KIAA0825: variants seen among roughly 807,000 people sequenced by gnomAD.
KIAA0825 encodes the protein KIAA0825, also known as uncharacterized protein KIAA0825.
In KIAA0825, 119 loss-of-function variants were observed where a neutral mutation model predicts 147.6. The ratio of observed to expected loss-of-function variants is 0.81; its 90% CI spans 0.69 to 0.94. KIAA0825 has a LOEUF of 0.94. Ranked by LOEUF, KIAA0825 falls within the 40% of genes least tolerant of loss-of-function variation. KIAA0825 has a pLI of 0.00. For synonymous variants in KIAA0825, 470 were observed against 518.1 expected (o/e 0.91, Z 1.26); for missense variants, 1,381 against 1,472.7 (o/e 0.94, Z 1.02).
At chr5:94,220,815 A>G (rs985629327) in intron 20 of KIAA0825, among the ~76,000 whole-genome samples, 8 of 152,196 alleles carry the variant, frequency 5.3e-5, no homozygotes, top group Admixed American at 2.0e-4. Flanking sequence ...TTCCATGTAC[A>G]TGGTGAGCCA....
chr5:94,566,303 T>A (rs182515943), intron 2 of KIAA0825, among the ~76,000 whole-genome samples: 1 of 152,314 alleles, frequency 6.6e-6, no homozygotes, highest in Admixed American at 6.5e-5. Context: ...TTACATAAAA[T>A]GTCCATATAA....
At position 94,573,380 on chromosome 5, in the gene KIAA0825, C is replaced by T. The variant is rs529220083; in HGVS notation, c.-2+9053G>A. Among the ~76,000 whole-genome samples the T allele has an allele frequency of 1.3e-4, 19 of 150,324 alleles. 1 individual carries two copies. The South Asian group carries it at 2.1e-3, about 17-fold the overall frequency. On this transcript the variant is annotated intron_variant, in intron 2 of 20. Transcript: ENST00000682413. Reference sequence around the variant, plus strand: ...TCACCTCCCAGGTTCAAGGAATTCTCCTGTTTCAGCCTCCCTAGTAGCTGG... The same window carrying T: ...TCACCTCCCAGGTTCAAGGAATTCTTCTGTTTCAGCCTCCCTAGTAGCTGG...
At chr5:94,577,785 T>G (rs1781351787) in intron 2 of KIAA0825, among the ~76,000 whole-genome samples, 1 of 152,222 alleles carries the variant, frequency 6.6e-6, no homozygotes, top group African/African-American at 2.4e-5. Context: ...TGGAGACCAT[T>G]CAACCTTTAA....
At chr5:94,283,185 GTAA>G (rs1215721477) in intron 20 of KIAA0825, among the ~76,000 whole-genome samples, 1 of 152,056 alleles carries the variant, frequency 6.6e-6, no homozygotes, top group East Asian at 1.9e-4. Flanking sequence ...TTTTGGATGA[GTAA>G]TAATAATACT....
chr5:94,395,256 G>A (rs994591572), intron 17 of KIAA0825, among the ~76,000 whole-genome samples: 87 of 152,112 alleles, frequency 5.7e-4, no homozygotes, highest in African/African-American at 2.0e-3. Flanking sequence ...GTACTAGTAA[G>A]AGTAACCATA....
At chr5:94,442,713 G>A (rs1358408359) in intron 13 of KIAA0825, among the ~76,000 whole-genome samples, 1 of 152,074 alleles carries the variant, frequency 6.6e-6, no homozygotes, top group African/African-American at 2.4e-5. Context: ...AAATTGACTT[G>A]GGTTTTGAAC....
At chr5:94,156,029 A>G (rs1252873629) in intron 20 of KIAA0825, among the ~76,000 whole-genome samples, 1 of 152,194 alleles carries the variant, frequency 6.6e-6, no homozygotes, top group Non-Finnish European at 1.5e-5. Flanking sequence ...CAAGCAGGAA[A>G]ATAAATAATG....
chr5:94,593,000 T>A, intron 1 of KIAA0825: 1 of 617,544 alleles, frequency 1.6e-6, no homozygotes. Flanking sequence ...CTTTGGAAGC[T>A]TCAAAAGCAG....
At chr5:94,427,552 A>C (rs1755051703) in intron 14 of KIAA0825, among the ~76,000 whole-genome samples, 1 of 152,132 alleles carries the variant, frequency 6.6e-6, no homozygotes, top group Admixed American at 6.5e-5. Context: ...AAGAATAAAA[A>C]GTACTTTATG....
chr5:94,380,963 G>A (rs1748322065), intron 20 of KIAA0825, among the ~76,000 whole-genome samples: 1 of 152,224 alleles, frequency 6.6e-6, no homozygotes. Context: ...CTCAGATACA[G>A]ACATTGTTGT....
At chr5:94,534,147 C>T (rs1209770703) in intron 3 of KIAA0825, among the ~76,000 whole-genome samples, 3 of 152,058 alleles carry the variant, frequency 2.0e-5, no homozygotes, top group African/African-American at 7.2e-5. Context: ...ATGTTCATTA[C>T]TTATTCAATG....
At chr5:94,331,489 C>T (rs981637727) in intron 20 of KIAA0825, among the ~76,000 whole-genome samples, 7 of 152,058 alleles carry the variant, frequency 4.6e-5, no homozygotes, top group Admixed American at 2.6e-4. Flanking sequence ...TTATTCCAAG[C>T]GTCTAAGTAG....
chr5:94,495,151 A>G (rs887587789), intron 5 of KIAA0825, among the ~76,000 whole-genome samples: 2 of 152,236 alleles, frequency 1.3e-5, no homozygotes, highest in Non-Finnish European at 2.9e-5. Flanking sequence ...AGAGATAGCC[A>G]TGGTGAAAAT....
intron 2 of KIAA0825, among the ~76,000 whole-genome samples, chr5:94,561,574 C>G (rs1182812416): frequency 4.6e-5 from 7 of 152,106 alleles, no homozygotes; most frequent in Non-Finnish European, 8.8e-5. Context: ...GTAGGACACC[C>G]AGTTGATGTC....
chr5:94,594,074 T>C (rs1784826102), intron 1 of KIAA0825: 1 of 537,790 alleles, frequency 1.9e-6, no homozygotes, highest in Non-Finnish European at 3.8e-6. Context: ...TACTTAGGTA[T>C]ATTGGATCCT....
chr5:94,566,212 G>C (rs1239477027), intron 2 of KIAA0825, among the ~76,000 whole-genome samples: 1 of 152,056 alleles, frequency 6.6e-6, no homozygotes, highest in Non-Finnish European at 1.5e-5. Flanking sequence ...TTAGAATAAT[G>C]ACTTTGAAAT....
chr5:94,616,347 C>G (rs571760407), intron 1 of KIAA0825, among the ~76,000 whole-genome samples: 141 of 152,152 alleles, frequency 9.3e-4, no homozygotes, highest in Non-Finnish European at 1.8e-3. Flanking sequence ...TTCTGTTTCT[C>G]TATATAGAAT....
intron 20 of KIAA0825, among the ~76,000 whole-genome samples, chr5:94,352,912 T>C (rs997797774): frequency 4.2e-5 from 6 of 143,472 alleles, no homozygotes; most frequent in African/African-American, 1.5e-4. Context: ...CAATGGACTT[T>C]GGGGACTTGG....
intron 5 of KIAA0825, among the ~76,000 whole-genome samples, chr5:94,496,033 A>G (rs1417833591): frequency 2.6e-5 from 4 of 152,300 alleles, no homozygotes; most frequent in Middle Eastern, 6.8e-3. Context: ...GTTGTGATGA[A>G]GAAGGGAAGA....
Sources: gnomAD v4.1 joint callset for allele counts (sites outside exome capture counted in the v4.1 genomes callset) on GRCh38, gnomAD v4.1.1 for gene constraint, MANE v1.5 for transcripts, NCBI Gene and HGNC (gene_info 2026-07-23, HGNC 2026-07-21) for gene names.